The following NCKAP5 variants were observed in gnomAD, a reference collection of about 807,000 sequenced individuals.
The protein encoded by NCKAP5 is nck-associated protein 5.
A neutral mutation model predicts 167.0 loss-of-function variants in NCKAP5; 92 were observed. That is an observed-to-expected ratio of 0.55 (90% CI 0.47 to 0.66). NCKAP5 has a LOEUF of 0.66. Ranked by LOEUF, NCKAP5 falls within the 30% of genes least tolerant of loss-of-function variation. The pLI is 0.00. For synonymous variants in NCKAP5, 891 were observed against 877.4 expected, an observed-to-expected ratio of 1.02 and a Z score of -0.27; for missense variants, 2,378 against 2,315.0, an observed-to-expected ratio of 1.03 and a Z score of -0.56.
chr2:133,144,169 G>A (rs1484937517), intron 5 of NCKAP5, among the ~76,000 whole-genome samples: 1 of 152,098 alleles, frequency 6.6e-6, no homozygotes, highest in Non-Finnish European at 1.5e-5. Context: ...GAATTATCTA[G>A]AGCAGGGGTT....
rs72989583 is a variant in NCKAP5, at chr2:132,783,181, T to C, written c.3630A>G (p.Leu1210=). The change falls in exon 14 of 20, where the codon CTA becomes CTG. Residue 1210 remains leucine (L), a synonymous_variant. Coordinates refer to ENST00000409261, the MANE Select transcript of NCKAP5 (RefSeq NM_207363.3). ...EITAGERNVT[L]PDSQAQGSLA... is the part of the protein sequence containing the mutation. ...AACTGCCCTGTGCTTGTGAATCCGG[T>C]AGGGTCACATTTCTTTCACCCGCTG... 2,193 of 1,613,890 alleles carry C rather than the reference T, an allele frequency of 1.4e-3. 31 individuals are homozygous for C. In the African/African-American group the frequency reaches 0.026, roughly 19 times the overall value.
intron 5 of NCKAP5, among the ~76,000 whole-genome samples, chr2:133,153,732 G>T (rs922297906): frequency 6.7e-6 from 1 of 149,612 alleles, no homozygotes; most frequent in Non-Finnish European, 1.5e-5. Context: ...CTTTTCCTTG[G>T]TCCTAGAATG....
chr2:132,782,941 G>T lies in NCKAP5; in HGVS notation c.3870C>A (p.Pro1290=). ...TGCGGACTTTGCCTGACCCTTCGAT[G>T]GGGGGCGTAGAAGGCTTGTCTCCTG... ...THSGDKPSTP[P]IEGSGKVRTQ... The change falls in exon 14 of 20, where the codon CCC becomes CCA. Residue 1290 remains proline, a synonymous_variant. Transcript: ENST00000409261. The T allele has an allele frequency of 1.2e-6, 2 of 1,613,976 alleles. No individual in the cohort carries two copies. Among genetic ancestry groups the T allele is most frequent in the Non-Finnish European group, 1.7e-6 (2 of 1,179,886 alleles).
intron 11 of NCKAP5, among the ~76,000 whole-genome samples, chr2:132,859,446 G>A (rs1047710061): frequency 6.6e-6 from 1 of 152,214 alleles, no homozygotes; most frequent in Non-Finnish European, 1.5e-5. Context: ...GTCCACGTGT[G>A]CTGTCTACTA....
At chr2:133,272,813 G>A (rs551871711) in intron 4 of NCKAP5, among the ~76,000 whole-genome samples, 1 of 152,106 alleles carries the variant, frequency 6.6e-6, no homozygotes, top group Non-Finnish European at 1.5e-5. Flanking sequence ...ACAATGTTTA[G>A]CCCTTTCTCT....
chr2:133,200,084 A>G (rs986585766), intron 5 of NCKAP5, among the ~76,000 whole-genome samples: 1 of 40,208 alleles, frequency 2.5e-5, no homozygotes, highest in Non-Finnish European at 5.6e-5. Context: ...TTTTTTGCAG[A>G]AATGAACAAG....
intron 6 of NCKAP5, 158 bp downstream of exon 6, chr2:133,129,820 G>T: frequency 1.3e-6 from 1 of 746,306 alleles, no homozygotes; most frequent in Non-Finnish European, 1.9e-6. Context: ...TGGTCTGAAT[G>T]CCATAGGATG....
intron 8 of NCKAP5, among the ~76,000 whole-genome samples, chr2:132,914,110 C>T (rs1371096652): frequency 8.5e-5 from 13 of 152,052 alleles, no homozygotes; most frequent in Admixed American, 8.5e-4. Flanking sequence ...CATAAAAATG[C>T]AGTACTGAAT....
At chr2:132,690,640 G>A (rs1298241895) in intron 19 of NCKAP5, among the ~76,000 whole-genome samples, 1 of 152,148 alleles carries the variant, frequency 6.6e-6, no homozygotes, top group African/African-American at 2.4e-5. Context: ...AGGACTTACT[G>A]TGCATTCTTC....
At position 132,992,044 on chromosome 2, in the gene NCKAP5, TCC is replaced by T. The variant is rs1425381654; in HGVS notation, c.429+2106_429+2107del. On this transcript the variant is annotated intron_variant, in intron 7 of 19. Coordinates refer to ENST00000409261, the MANE Select transcript of NCKAP5 (RefSeq NM_207363.3). The stretch of plus-strand genomic sequence containing the variant: ...CTTGAATGCCCAGGGCACAAGGCTG[TCC>T]CTAGTGCATATGAGAAGTTCAGTAA... Among the ~76,000 whole-genome samples, 6 of 152,284 alleles carry T rather than the reference TCC, an allele frequency of 3.9e-5. No homozygotes were observed. The South Asian group carries it at 1.2e-3, about 32-fold the overall frequency.
At chr2:133,154,552 G>A (rs961884938) in intron 5 of NCKAP5, among the ~76,000 whole-genome samples, 1 of 152,196 alleles carries the variant, frequency 6.6e-6, no homozygotes, top group Non-Finnish European at 1.5e-5. Context: ...TTAGGTATTT[G>A]ACATGCTGCT....
At chr2:132,780,305 CCAT>C (rs1210928972) in intron 15 of NCKAP5, among the ~76,000 whole-genome samples, 1 of 152,190 alleles carries the variant, frequency 6.6e-6, no homozygotes, top group Admixed American at 6.5e-5. Context: ...GCGCCCACCA[CCAT>C]GCCTGGCTAA....
intron 5 of NCKAP5, among the ~76,000 whole-genome samples, chr2:133,200,064 T>TC (rs1287293458): frequency 3.4e-5 from 5 of 145,774 alleles, no homozygotes; most frequent in Non-Finnish European, 6.1e-5. Context: ...TTTCTTTCTT[T>TC]TTTTTTTTTT....
chr2:133,114,757 G>A (rs960704116), intron 6 of NCKAP5, among the ~76,000 whole-genome samples: 1 of 151,948 alleles, frequency 6.6e-6, no homozygotes, highest in African/African-American at 2.4e-5. Context: ...TTTGGATTTT[G>A]CAGAACCTAG....
intron 5 of NCKAP5, among the ~76,000 whole-genome samples, chr2:133,201,201 A>C (rs1416023581): frequency 6.6e-6 from 1 of 152,194 alleles, no homozygotes; most frequent in Non-Finnish European, 1.5e-5. Context: ...TCTGCTGGAC[A>C]TAAGAATGAC....
chr2:133,534,582 C>T (rs1384308084), intron 2 of NCKAP5, among the ~76,000 whole-genome samples: 1 of 152,192 alleles, frequency 6.6e-6, no homozygotes. Context: ...CACATAGAAT[C>T]ATGATAAGTA....
chr2:132,986,379 T>C (rs531876355), intron 7 of NCKAP5, among the ~76,000 whole-genome samples: 39 of 152,158 alleles, frequency 2.6e-4, no homozygotes, highest in Non-Finnish European at 4.7e-4. Flanking sequence ...CAAAATGATC[T>C]GTCAAACCTG....
At chr2:132,727,323 T>C (rs558148086) in intron 18 of NCKAP5, among the ~76,000 whole-genome samples, 2 of 152,364 alleles carry the variant, frequency 1.3e-5, no homozygotes, top group African/African-American at 4.8e-5. Flanking sequence ...GTGTCTGTCA[T>C]GATTTTCTAA....
At chr2:133,019,761 A>T (rs1406344736) in intron 6 of NCKAP5, among the ~76,000 whole-genome samples, 1 of 152,262 alleles carries the variant, frequency 6.6e-6, no homozygotes, top group Non-Finnish European at 1.5e-5. Flanking sequence ...TTGAAAATGC[A>T]GCTAACTATA....
Sources: allele counts gnomAD v4.1 joint callset (sites outside exome capture counted in the v4.1 genomes callset), GRCh38; gene constraint gnomAD v4.1.1; transcripts MANE v1.5; gene names NCBI Gene and HGNC (gene_info 2026-07-23, HGNC 2026-07-21).